FRMPD4: variants seen among roughly 807,000 people sequenced by gnomAD.
FRMPD4 encodes FERM and PDZ domain containing 4, also known as FERM and PDZ domain-containing protein 4.
In FRMPD4, 22 loss-of-function variants were observed where a neutral mutation model predicts 94.1. The ratio of observed to expected loss-of-function variants is 0.23; its 90% CI spans 0.17 to 0.33. The LOEUF (loss-of-function observed/expected upper bound fraction) is 0.33. FRMPD4 is among the 10% of genes least tolerant of loss of function. The probability of loss-of-function intolerance (pLI) is 1.00; values close to 1 mark genes in which losing one functional copy is unlikely to be tolerated. For synonymous variants in FRMPD4, 631 were observed against 548.6 expected, an observed-to-expected ratio of 1.15 and a Z score of -2.10; for missense variants, 1,111 against 1,339.9, an observed-to-expected ratio of 0.83 and a Z score of 2.67.
chrX:12,515,507 G>A (rs894502459), intron 2 of FRMPD4, among the ~76,000 whole-genome samples: 4 of 111,798 alleles, frequency 3.6e-5, no homozygotes, highest in Admixed American at 9.5e-5. Context: ...GGTTTTGAGC[G>A]AGTTTCTTAA....
At chrX:12,370,064 C>CATA (rs2056142266) in intron 1 of FRMPD4, among the ~76,000 whole-genome samples, 1 of 111,995 alleles carries the variant, frequency 8.9e-6, no homozygotes, top group African/African-American at 3.2e-5. Context: ...TTTCATTTAT[C>CATA]ATAATTTTCC....
chrX:12,376,696 C>A (rs896415017), intron 1 of FRMPD4, among the ~76,000 whole-genome samples: 1 of 112,884 alleles, frequency 8.9e-6, no homozygotes, highest in South Asian at 3.6e-4. Context: ...GTTTCTTTAT[C>A]CTTGGTTGGC....
At chrX:11,895,187 G>C (rs1196660116) in intron 3 of FRMPD4, among the ~76,000 whole-genome samples, 2 of 111,746 alleles carry the variant, frequency 1.8e-5, no homozygotes, top group African/African-American at 6.5e-5. Flanking sequence ...TTTTTGTGTG[G>C]GGCTGTTGTG....
intron 3 of FRMPD4, among the ~76,000 whole-genome samples, chrX:11,985,182 T>C (rs1243705598): frequency 9.0e-6 from 1 of 111,655 alleles, no homozygotes; most frequent in African/African-American, 3.3e-5. Context: ...TAAAGAGGAC[T>C]TTGTCTTGCC....
intron 3 of FRMPD4, among the ~76,000 whole-genome samples, chrX:12,103,190 T>A (rs1031812613): frequency 2.7e-5 from 3 of 111,466 alleles, no homozygotes; most frequent in African/African-American, 9.8e-5. Flanking sequence ...AATAATAGAA[T>A]CTGTTTCAAG....
intron 2 of FRMPD4, among the ~76,000 whole-genome samples, chrX:12,557,752 C>A (rs1293504877): frequency 9.0e-6 from 1 of 111,197 alleles, no homozygotes; most frequent in Admixed American, 9.6e-5. Context: ...AATGCTGGAC[C>A]CCCCCTCCCC....
In FRMPD4 at chrX:12,514,046, G is replaced by C. The variant is rs760268931; in HGVS notation, c.158+15250G>C. ...CTGTTATTGGTGTATAGGAATGCTT[G>C]TGATTTTTGCACATTGATTTTGTAT... On this transcript the variant is annotated intron_variant, in intron 2 of 16. Transcript: ENST00000675598. 8.1e-5 allele frequency among the ~76,000 whole-genome samples: 9 copies of C among 111,623 alleles called. No homozygotes were observed. In the Admixed American group the frequency reaches 8.6e-4, roughly 11 times the overall value.
chrX:11,953,319 C>T (rs1161611888), intron 3 of FRMPD4, among the ~76,000 whole-genome samples: 2 of 110,842 alleles, frequency 1.8e-5, no homozygotes, highest in Non-Finnish European at 3.8e-5. Context: ...TTTTTTTAAC[C>T]CTGCTGTATC....
chrX:12,073,863 C>CTA (rs1555920763), intron 3 of FRMPD4, among the ~76,000 whole-genome samples: 1 of 98,780 alleles, frequency 1.0e-5, no homozygotes, highest in East Asian at 4.4e-4. Flanking sequence ...ACCTCCATGT[C>CTA]CAACTCTCAT....
intron 3 of FRMPD4, among the ~76,000 whole-genome samples, chrX:12,032,474 T>C (rs1315244438): frequency 8.9e-6 from 1 of 112,406 alleles, no homozygotes; most frequent in Non-Finnish European, 1.9e-5. Flanking sequence ...ACAAGGAGAA[T>C]AGTTTCAGTG....
intron 1 of FRMPD4, among the ~76,000 whole-genome samples, chrX:12,267,886 C>T (rs1048298442): frequency 1.8e-5 from 2 of 112,928 alleles, no homozygotes; most frequent in Non-Finnish European, 3.7e-5. Context: ...CTAGTCTTTC[C>T]CTTCCTTAAA....
intron 2 of FRMPD4, among the ~76,000 whole-genome samples, chrX:12,502,082 GC>G (rs1264182494): frequency 8.9e-6 from 1 of 112,173 alleles, no homozygotes; most frequent in East Asian, 2.8e-4. Context: ...AAATCCTGAT[GC>G]CTGGGTCTGG....
chrX:12,414,452 T>G (rs770849158), intron 1 of FRMPD4, among the ~76,000 whole-genome samples: 1 of 112,626 alleles, frequency 8.9e-6, no homozygotes, highest in Non-Finnish European at 1.9e-5. Flanking sequence ...GTTATGTTAT[T>G]TGATCCCAAA....
At chrX:12,116,692 A>G (rs1483272816) in intron 3 of FRMPD4, among the ~76,000 whole-genome samples, 4 of 112,058 alleles carry the variant, frequency 3.6e-5, no homozygotes, top group Non-Finnish European at 7.5e-5. Flanking sequence ...AAAGATTGCT[A>G]CAGGGCATTT....
intron 3 of FRMPD4, among the ~76,000 whole-genome samples, chrX:12,084,325 G>C (rs1457751744): frequency 9.0e-6 from 1 of 111,151 alleles, no homozygotes; most frequent in Admixed American, 9.5e-5. Flanking sequence ...CATGTAAGAA[G>C]TGCCTTTTGC....
rs572459825 is a variant in FRMPD4 at position 12,215,481 on chromosome X, C to G, written c.41+76469C>G. Among the ~76,000 whole-genome samples, 3 of 111,955 alleles carry G rather than the reference C, an allele frequency of 2.7e-5. No individual in the cohort carries two copies. The Admixed American group carries it at 2.9e-4, about 11-fold the overall frequency. ...TTCTTCTCTTTCTGTTGTTACTCCT[C>G]TAGTTAAACACAGTAGAAAGCAGCA... On this transcript the variant is annotated intron_variant, in intron 1 of 16. Coordinates refer to ENST00000675598, the MANE Select transcript of FRMPD4 (RefSeq NM_001368397.1).
intron 9 of FRMPD4, 33 bp downstream of exon 9, chrX:12,694,487 T>A: frequency 9.1e-7 from 1 of 1,101,979 alleles, no homozygotes; most frequent in Non-Finnish European, 1.2e-6. Flanking sequence ...TTTATATCAA[T>A]GTTGTGATAT....
intron 3 of FRMPD4, among the ~76,000 whole-genome samples, chrX:12,099,494 T>C (rs2055236244): frequency 8.9e-6 from 1 of 112,295 alleles, no homozygotes; most frequent in Non-Finnish European, 1.9e-5. Flanking sequence ...AGAAAATGTC[T>C]ACTACTGTTT....
chrX:12,653,599 TAATC>T (rs758574715), intron 4 of FRMPD4, among the ~76,000 whole-genome samples: 29 of 111,203 alleles, frequency 2.6e-4, no homozygotes, highest in African/African-American at 6.2e-4. Context: ...TGAAAACCGC[TAATC>T]AATCAATCAA....
Sources: gnomAD v4.1 joint callset for allele counts (sites outside exome capture counted in the v4.1 genomes callset) on GRCh38, gnomAD v4.1.1 for gene constraint, MANE v1.5 for transcripts, NCBI Gene and HGNC (gene_info 2026-07-23, HGNC 2026-07-21) for gene names.